The following SARS1 variants were observed in gnomAD, a reference collection of about 807,000 sequenced individuals.
The protein encoded by SARS1 is serine--tRNA ligase, cytoplasmic.
In SARS1, 25 loss-of-function variants were observed where a neutral mutation model predicts 63.7. The observed-to-expected ratio is 0.39, with a 90% CI of 0.29 to 0.55. The LOEUF (loss-of-function observed/expected upper bound fraction) is 0.55, where lower values mean the gene tolerates loss of function less well. Ranked by LOEUF, SARS1 falls within the 20% of genes least tolerant of loss-of-function variation. SARS1 has a pLI of 0.62. For synonymous variants in SARS1, 231 were observed against 243.5 expected, an observed-to-expected ratio of 0.95 and a Z score of 0.48; for missense variants, 417 against 649.7, an observed-to-expected ratio of 0.64 and a Z score of 3.89.
At position 109,229,465 on chromosome 1, in the gene SARS1, A is replaced by G; in HGVS notation, c.340A>G (p.Ile114Val). The G allele has an allele frequency of 6.2e-7, 1 of 1,614,214 alleles. No individual in the cohort carries two copies. The highest frequency in any genetic ancestry group is 8.5e-7 in the Non-Finnish European group (1 of 1,180,032). ...KKVRLLIDEAILKCDAERIKL... is the reference protein window; with the variant it reads ...KKVRLLIDEAVLKCDAERIKL... The stretch of plus-strand genomic sequence containing the variant: ...AGTCCGACTCCTCATTGATGAAGCC[A>G]TCCTGAAGTGTGACGCGGAGCGGAT... The change falls in exon 4 of 11, where the codon ATC (isoleucine) becomes GTC (valine). Residue 114 changes from isoleucine to valine, a missense_variant. Ile to Val is a conservative substitution (Grantham distance 29, BLOSUM62 3). Around this residue, in one of 3 missense-constraint regions of SARS1, gnomAD observed 359 missense variants for 529.6 expected, o/e 0.68. Transcript: ENST00000234677.
intron 5 of SARS1, 189 bp downstream of exon 5, chr1:109,231,210 T>A: frequency 3.1e-6 from 1 of 318,316 alleles, no homozygotes; most frequent in Non-Finnish European, 5.4e-6. Flanking sequence ...AAGAGAGGGC[T>A]TATCAGGATT....
chr1:109,217,133 T>C, intron 1 of SARS1: 1 of 985,406 alleles, frequency 1.0e-6, no homozygotes, highest in Non-Finnish European at 1.2e-6. Flanking sequence ...CACTGTCTGA[T>C]AGGAATAGAA....
intron 1 of SARS1, chr1:109,217,203 C>T (rs1654810090): frequency 1.1e-6 from 1 of 887,810 alleles, no homozygotes; most frequent in African/African-American, 1.8e-5. Context: ...CCCAATAAAT[C>T]CACCATAAGT....
chr1:109,221,987 TATATATATATATATATATATATA>T (rs1557715324), intron 1 of SARS1, among the ~76,000 whole-genome samples: 6 of 12,706 alleles, frequency 4.7e-4, no homozygotes, highest in African/African-American at 1.5e-3. Context: ...TATATATATA[TATATATATATATATATATATATA>T]TTTTTTTTTT....
chr1:109,228,332 G>A lies in SARS1; in HGVS notation c.208-20G>A. ...GATTTTCTTTTATTTATTTGTGTTG[G>A]GTTTTTTTCCTTCCTGCAGAAAAAA... On this transcript the variant is annotated intron_variant, in intron 2 of 10. Coordinates refer to ENST00000234677, the MANE Select transcript of SARS1 (RefSeq NM_006513.4). 1.3e-6 allele frequency: 2 copies of A among 1,579,686 alleles called. No individual in the cohort carries two copies. The highest frequency in any genetic ancestry group is 1.7e-6 in the Non-Finnish European group (2 of 1,154,470).
chr1:109,235,504 GTGTTGC>G lies in SARS1; in HGVS notation c.969+76_969+81del. 1 of 1,220,302 alleles carries G rather than the reference GTGTTGC, an allele frequency of 8.2e-7. No homozygotes were observed. The highest frequency in any genetic ancestry group is 1.3e-5 in the South Asian group (1 of 75,376). The allele number at this position is 1,220,302 out of a possible 1,614,324, so 75.6% of individuals were successfully genotyped here. Reference sequence around the variant, plus strand: ...AATGGTTAGATGAGAGATAGGATCTGTGTTGCTGAGGCCCATCCTGGCTCCAGCTTT... The same window carrying G: ...AATGGTTAGATGAGAGATAGGATCTGTGAGGCCCATCCTGGCTCCAGCTTT... On this transcript the variant is annotated intron_variant, in intron 7 of 10. Transcript: ENST00000234677. The surrounding 1 kb of genome is among the most constrained non-coding windows in gnomAD (Gnocchi z 4.7).
At chr1:109,220,961 C>T (rs1438135129) in intron 1 of SARS1, among the ~76,000 whole-genome samples, 1 of 151,612 alleles carries the variant, frequency 6.6e-6, no homozygotes, top group African/African-American at 2.4e-5. Flanking sequence ...GAGTCAATTG[C>T]TCATGGTAAA....
Position 109,238,065 on chromosome 1 carries a change from A to G in SARS1, c.*177A>G. ...TGTTCCTGTCTCCTCGCATGGGCAT[A>G]GGGACCCATCATTGATGACTGATGA... On this transcript the variant is annotated 3_prime_UTR_variant, in exon 11 of 11. Coordinates refer to ENST00000234677, the MANE Select transcript of SARS1 (RefSeq NM_006513.4). The G allele has an allele frequency of 1.5e-6, 1 of 671,240 alleles. No individual in the cohort carries two copies. The allele number at this position is 671,240 out of a possible 1,614,324, so 41.6% of individuals were successfully genotyped here. A position where few individuals can be genotyped will look rare whatever the true frequency, so the allele number is the denominator to read the frequency against.
At position 109,233,416 on chromosome 1, in the gene SARS1, C is replaced by T. The variant is rs12128523; in HGVS notation, c.747+1630C>T. ...GAATGGCCCCACAGTGGCTAAATTC[C>T]TACTGCCAGGTAGCAAGGTAGTTTT... On this transcript the variant is annotated intron_variant, in intron 6 of 10. Transcript: ENST00000234677. Among the ~76,000 whole-genome samples the T allele has an allele frequency of 2.6e-5, 4 of 151,978 alleles. No homozygotes were observed. In the East Asian group the frequency reaches 7.7e-4, roughly 29 times the overall value.
intron 2 of SARS1, among the ~76,000 whole-genome samples, chr1:109,226,677 A>AAAT (rs1178056468): frequency 0.096 from 4,240 of 44,088 alleles, 261 homozygotes; most frequent in Non-Finnish European, 0.13. Context: ...AAAAAAAAAA[A>AAAT]ATATATATAT....
intron 5 of SARS1, 110 bp downstream of exon 5, chr1:109,231,131 C>G (rs1226744267): frequency 7.9e-6 from 5 of 635,828 alleles, no homozygotes; most frequent in Non-Finnish European, 1.1e-5. Context: ...AAGAGGCCCA[C>G]AGATCTACCA....
intron 1 of SARS1, chr1:109,215,768 C>T (rs1654770457): frequency 1.7e-6 from 1 of 593,906 alleles, no homozygotes; most frequent in Non-Finnish European, 2.1e-6. Flanking sequence ...TGCAGTGGCA[C>T]CATCTCGGCT....
chr1:109,220,016 T>C (rs570856581), intron 1 of SARS1, among the ~76,000 whole-genome samples: 2 of 152,156 alleles, frequency 1.3e-5, no homozygotes, highest in Non-Finnish European at 2.9e-5. Flanking sequence ...GAGACTCTTT[T>C]TTAAAAAATG....
At chr1:109,228,259 T>C in intron 2 of SARS1, 93 bp from the exon 3 acceptor site, 1 of 930,038 alleles carries the variant, frequency 1.1e-6, no homozygotes, top group Non-Finnish European at 1.6e-6. Context: ...CTGTGATTCA[T>C]TTATATAATA....
In SARS1 at chr1:109,229,533, G is replaced by A. The variant is rs1287888413; in HGVS notation, c.408G>A (p.Gly136=). The A allele has an allele frequency of 1.1e-5, 17 of 1,614,078 alleles. No individual in the cohort carries two copies. Among genetic ancestry groups the A allele is most frequent in the Non-Finnish European group, 1.4e-5 (16 of 1,180,052 alleles). The change falls in exon 4 of 11, where the codon GGG becomes GGA. Residue 136 remains glycine, a synonymous_variant. Coordinates refer to ENST00000234677, the MANE Select transcript of SARS1 (RefSeq NM_006513.4). ...AERFENLREI[G]NLLHPSVPIS... is the part of the protein sequence containing the mutation. ...GGTTTGAGAACCTCCGAGAGATTGGGAACCTTCTGCACCCTTCTGTACCCA... is the reference window on the plus strand; with the variant it reads ...GGTTTGAGAACCTCCGAGAGATTGGAAACCTTCTGCACCCTTCTGTACCCA...
chr1:109,237,706 C>G lies in SARS1; in HGVS notation c.1388-25C>G, dbSNP rs768278742. 5.6e-6 allele frequency: 9 copies of G among 1,612,292 alleles called. No homozygotes were observed. Among genetic ancestry groups the G allele is most frequent in the East Asian group, 2.2e-5 (1 of 44,874 alleles). On this transcript the variant is annotated intron_variant, in intron 10 of 10. Coordinates refer to ENST00000234677, the MANE Select transcript of SARS1 (RefSeq NM_006513.4). The surrounding 1 kb of genome is among the most constrained non-coding windows in gnomAD (Gnocchi z 4.1). ...TTTGACTCACTGAGAAACAACAGGTCATTTGGTTGGCTCTTCCCTCCCAGG... is the reference window on the plus strand; with the variant it reads ...TTTGACTCACTGAGAAACAACAGGTGATTTGGTTGGCTCTTCCCTCCCAGG...
intron 1 of SARS1, among the ~76,000 whole-genome samples, chr1:109,218,247 A>AT (rs1474503986): frequency 6.9e-6 from 1 of 144,102 alleles, no homozygotes; most frequent in Non-Finnish European, 1.5e-5. Context: ...GGCGCCTGTA[A>AT]TCCCAGCTAC....
In SARS1 at chr1:109,237,198, G is replaced by T; in HGVS notation, c.1258-46G>T. 1.9e-6 allele frequency: 3 copies of T among 1,587,890 alleles called. No homozygotes were observed. Among genetic ancestry groups the T allele is most frequent in the Non-Finnish European group, 2.6e-6 (3 of 1,169,264 alleles). ...TGGTTCCTGGCCGTCAGTAAGACCCGATGAGAGTTGAGCCCGACTTCCCCT... is the reference window on the plus strand; with the variant it reads ...TGGTTCCTGGCCGTCAGTAAGACCCTATGAGAGTTGAGCCCGACTTCCCCT... On this transcript the variant is annotated intron_variant, in intron 9 of 10. Coordinates refer to ENST00000234677, the MANE Select transcript of SARS1 (RefSeq NM_006513.4). This position sits in a 1 kb window ranked among gnomAD's most constrained non-coding sequence, Gnocchi z 4.1.
intron 2 of SARS1, among the ~76,000 whole-genome samples, chr1:109,225,567 T>C (rs1157102845): frequency 6.6e-6 from 1 of 152,224 alleles, no homozygotes; most frequent in Non-Finnish European, 1.5e-5. Flanking sequence ...TTGCTAGCCA[T>C]GCAGGGAGTG....
Sources: allele counts gnomAD v4.1 joint callset (sites outside exome capture counted in the v4.1 genomes callset), GRCh38; gene constraint gnomAD v4.1.1; regional missense constraint gnomAD v4.1.1; non-coding constraint Gnocchi (gnomAD v3.1); transcripts MANE v1.5; gene names NCBI Gene and HGNC (gene_info 2026-07-23, HGNC 2026-07-21).